GALK2: variants seen among roughly 807,000 people sequenced by gnomAD.
GALK2 encodes the protein galactokinase 2, also known as N-acetylgalactosamine kinase.
Under a neutral mutation model 52.4 loss-of-function variants are expected in GALK2, and 36 were observed. The observed-to-expected ratio is 0.69, with a 90% CI of 0.53 to 0.91. GALK2 has a LOEUF of 0.91. GALK2 is among the 40% of genes least tolerant of loss of function. The probability of loss-of-function intolerance (pLI) is 0.00; values close to 1 mark genes in which losing one functional copy is unlikely to be tolerated. For synonymous variants in GALK2, 176 were observed against 199.1 expected (o/e 0.88, Z 0.98); for missense variants, 579 against 559.1 (o/e 1.04, Z -0.36).
chr15:49,200,452 A>G (rs2087641445), intron 1 of GALK2, among the ~76,000 whole-genome samples: 1 of 152,236 alleles, frequency 6.6e-6, no homozygotes, highest in African/African-American at 2.4e-5. Flanking sequence ...GTAATGAATT[A>G]AGATGAGGTC....
At chr15:49,235,748 G>A in intron 3 of GALK2, 103 bp from the exon 4 acceptor site, 1 of 800,102 alleles carries the variant, frequency 1.2e-6, no homozygotes, top group Non-Finnish European at 2.3e-6. Context: ...AGGTAAAGGA[G>A]AGTCAGTATC....
chr15:49,247,959 T>C (rs1365562795), intron 5 of GALK2, among the ~76,000 whole-genome samples: 1 of 152,218 alleles, frequency 6.6e-6, no homozygotes. Flanking sequence ...TTTTTGAAGT[T>C]TGAAACCTGT....
At chr15:49,366,321 G>A (rs1257531273) in intron 3 of GALK2, 1 of 786,524 alleles carries the variant, frequency 1.3e-6, no homozygotes. Context: ...CCTGAGGTAG[G>A]AAATAGGATA....
rs535085824 is a variant in GALK2 at position 49,297,904 on chromosome 15, C to A, written c.967+5367C>A. Among the ~76,000 whole-genome samples the A allele has an allele frequency of 2.0e-5, 3 of 149,244 alleles. No homozygotes were observed. In the East Asian group the frequency reaches 6.1e-4, roughly 30 times the overall value. ...CTTAGGATTGCTTTGGCTATTTGGG[C>A]CCATTTTTTATTTGAATTTTTGAAT... On this transcript the variant is annotated intron_variant, in intron 8 of 9. Transcript: ENST00000560031.
intron 8 of GALK2, among the ~76,000 whole-genome samples, chr15:49,303,880 A>G (rs1388018478): frequency 6.6e-6 from 1 of 152,220 alleles, no homozygotes; most frequent in Non-Finnish European, 1.5e-5. Flanking sequence ...TATAATTTCT[A>G]AACTTGTAAA....
intron 5 of GALK2, among the ~76,000 whole-genome samples, chr15:49,281,719 G>T (rs997599218): frequency 6.6e-6 from 1 of 152,208 alleles, no homozygotes; most frequent in Non-Finnish European, 1.5e-5. Context: ...GGTAGAAACT[G>T]CTTGCTCTGT....
rs1369004750 is a variant in GALK2 at position 49,299,758 on chromosome 15, T to TC, written c.967+7222dup. On this transcript the variant is annotated intron_variant, in intron 8 of 9. Transcript: ENST00000560031. ...TCTTTTCTTTCTTTCTTTCTTTCTT[T>TC]CTTTCTTTCTTTCTTTCTTTCTTTC... Among the ~76,000 whole-genome samples, 105 of 141,194 alleles carry TC rather than the reference T, an allele frequency of 7.4e-4. 2 individuals are homozygous for TC. Among genetic ancestry groups the TC allele is most frequent in the African/African-American group, 2.5e-3 (90 of 36,354 alleles). 92.6% of individuals were successfully genotyped at this position (141,194 alleles called of 152,430 possible). A position where few individuals can be genotyped will look rare whatever the true frequency, so the allele number is the denominator to read the frequency against.
At chr15:49,186,719 A>C (rs1037007329) in intron 1 of GALK2, among the ~76,000 whole-genome samples, 4 of 151,772 alleles carry the variant, frequency 2.6e-5, no homozygotes, top group Non-Finnish European at 2.9e-5. Flanking sequence ...TTGTATTTTT[A>C]GTAGAGACAG....
At chr15:49,292,808 T>C (rs2034071272) in intron 8 of GALK2, among the ~76,000 whole-genome samples, 1 of 152,302 alleles carries the variant, frequency 6.6e-6, no homozygotes, top group Admixed American at 6.5e-5. Context: ...TTTTTTCCCT[T>C]ATCCATTTTT....
chr15:49,336,252 T>G (rs1156622412), downstream of GALK2, among the ~76,000 whole-genome samples: 1 of 152,258 alleles, frequency 6.6e-6, no homozygotes, highest in East Asian at 1.9e-4. Flanking sequence ...TGTCCAAGTA[T>G]GTTGCTAATG....
chr15:49,350,060 G>C (rs1412240515), intron 3 of GALK2, among the ~76,000 whole-genome samples: 3 of 152,108 alleles, frequency 2.0e-5, no homozygotes, highest in Non-Finnish European at 4.4e-5. Flanking sequence ...ACGTGACAAA[G>C]TAAAATACAG....
chr15:49,220,095 C>G (rs1226856315), intron 3 of GALK2, among the ~76,000 whole-genome samples: 1 of 83,206 alleles, frequency 1.2e-5, no homozygotes, highest in Non-Finnish European at 2.2e-5. Flanking sequence ...GAGTCTTGTT[C>G]TGTCATTTCT....
Position 49,329,400 on chromosome 15 carries a change from C to A in GALK2, c.*1241C>A. The stretch of plus-strand genomic sequence containing the variant: ...AATTGAGATAGCAATGGTTTTATGG[C>A]ATGAATTATCCAAAAAAATATCAGA... On this transcript the variant is annotated 3_prime_UTR_variant, in exon 10 of 10. Transcript: ENST00000560031. The A allele has an allele frequency of 1.0e-6, 1 of 985,116 alleles. No homozygotes were observed. Among genetic ancestry groups the A allele is most frequent in the South Asian group, 4.7e-5 (1 of 21,284 alleles). The allele number at this position is 985,116 out of a possible 1,614,324, so 61.0% of individuals were successfully genotyped here.
upstream of GALK2, chr15:49,170,097 T>A (rs2084961305): frequency 3.6e-5 from 35 of 979,742 alleles, no homozygotes; most frequent in South Asian, 6.1e-4. Flanking sequence ...GGACGGAGGC[T>A]GTACCTGACT....
At chr15:49,252,109 T>C (rs2091629195) in intron 5 of GALK2, among the ~76,000 whole-genome samples, 1 of 151,978 alleles carries the variant, frequency 6.6e-6, no homozygotes, top group South Asian at 2.1e-4. Flanking sequence ...CTCCTAAAAA[T>C]ACAAAAAATT....
At chr15:49,251,977 A>G (rs1595839977) in intron 5 of GALK2, among the ~76,000 whole-genome samples, 6 of 152,136 alleles carry the variant, frequency 3.9e-5, no homozygotes, top group Admixed American at 3.9e-4. Flanking sequence ...AAATATATGT[A>G]TATATTGGCC....
intron 8 of GALK2, among the ~76,000 whole-genome samples, chr15:49,293,268 A>G (rs2034125206): frequency 6.6e-6 from 1 of 152,218 alleles, no homozygotes; most frequent in Non-Finnish European, 1.5e-5. Context: ...CTGTAGATTT[A>G]CCCACAAAGT....
intron 8 of GALK2, among the ~76,000 whole-genome samples, chr15:49,307,067 G>A (rs1052235851): frequency 1.3e-5 from 2 of 152,176 alleles, no homozygotes; most frequent in Non-Finnish European, 2.9e-5. Flanking sequence ...GAGATGGGAG[G>A]TATGGATGCC....
intron 5 of GALK2, among the ~76,000 whole-genome samples, chr15:49,244,889 A>G (rs1054680628): frequency 1.3e-5 from 2 of 152,216 alleles, no homozygotes; most frequent in Admixed American, 6.5e-5. Context: ...GATATGTTCA[A>G]CCATGTGGAA....
Sources: gnomAD v4.1 joint callset for allele counts (sites outside exome capture counted in the v4.1 genomes callset) on GRCh38, gnomAD v4.1.1 for gene constraint, MANE v1.5 for transcripts, NCBI Gene and HGNC (gene_info 2026-07-23, HGNC 2026-07-21) for gene names.